Variants in DSCAM observed in about 807,000 individuals in gnomAD.
DSCAM encodes DS cell adhesion molecule.
A neutral mutation model predicts 217.7 loss-of-function variants in DSCAM; 47 were observed. The observed-to-expected ratio is 0.22, with a 90% CI of 0.17 to 0.28. The LOEUF is 0.28. Among genes scored for constraint, DSCAM ranks in the 10% least tolerant of loss-of-function variants. The pLI is 1.00. For synonymous variants in DSCAM, 1,056 were observed against 1,015.3 expected (o/e 1.04, Z -0.76); for missense variants, 2,080 against 2,618.3 (o/e 0.79, Z 4.49).
intron 8 of DSCAM, among the ~76,000 whole-genome samples, chr21:40,320,060 A>G (rs1299406732): frequency 1.3e-5 from 2 of 152,178 alleles, no homozygotes; most frequent in Non-Finnish European, 2.9e-5. Context: ...AGGGGAGGGA[A>G]AGCATCAGGA....
chr21:40,681,418 G>C (rs998989894), intron 3 of DSCAM, among the ~76,000 whole-genome samples: 1 of 152,142 alleles, frequency 6.6e-6, no homozygotes, highest in African/African-American at 2.4e-5. Flanking sequence ...GGACCCACAG[G>C]ACCTGGCACA....
chr21:40,846,671 G>A lies in DSCAM; in HGVS notation c.-10C>T, dbSNP rs779710373. The stretch of plus-strand genomic sequence containing the variant: ...GAGCCAGTATCCACATGCCCCTGCC[G>A]CTCCCCGGCCTCCCGCGAGCGACGC... On this transcript the variant is annotated 5_prime_UTR_variant, in exon 1 of 33. Coordinates refer to ENST00000400454, the MANE Select transcript of DSCAM (RefSeq NM_001389.5). The A allele has an allele frequency of 1.3e-5, 16 of 1,201,182 alleles. No individual in the cohort carries two copies. Among genetic ancestry groups the A allele is most frequent in the Non-Finnish European group, 1.7e-5 (16 of 954,768 alleles). 74.4% of individuals were successfully genotyped at this position (1,201,182 alleles called of 1,614,324 possible). A position where few individuals can be genotyped will look rare whatever the true frequency, so the allele number is the denominator to read the frequency against.
intron 3 of DSCAM, among the ~76,000 whole-genome samples, chr21:40,381,084 A>G (rs2075019469): frequency 1.3e-5 from 2 of 149,902 alleles, no homozygotes; most frequent in South Asian, 2.1e-4. Flanking sequence ...AAAAAAAAAA[A>G]GAAAATAGAA....
intron 5 of DSCAM, among the ~76,000 whole-genome samples, chr21:40,352,703 G>T (rs1174586520): frequency 1.3e-5 from 2 of 152,188 alleles, no homozygotes. Context: ...TGGCAACTAA[G>T]ACCTCCTCTC....
chr21:40,451,576 T>C (rs985123145), intron 3 of DSCAM, among the ~76,000 whole-genome samples: 2 of 152,158 alleles, frequency 1.3e-5, no homozygotes, highest in African/African-American at 4.8e-5. Context: ...TCAGAATAAA[T>C]TCCATTAAAA....
At chr21:40,558,844 A>G (rs1258538837) in intron 3 of DSCAM, among the ~76,000 whole-genome samples, 2 of 152,206 alleles carry the variant, frequency 1.3e-5, no homozygotes, top group Non-Finnish European at 2.9e-5. Context: ...TATTCTTGAC[A>G]GGGCACAGAG....
chr21:40,162,036 C>A (rs1237049685), intron 16 of DSCAM, among the ~76,000 whole-genome samples: 1 of 152,156 alleles, frequency 6.6e-6, no homozygotes, highest in Non-Finnish European at 1.5e-5. Flanking sequence ...TAATTTATAA[C>A]ATGAGTTTGC....
At chr21:40,209,661 T>G (rs1035098205) in intron 11 of DSCAM, among the ~76,000 whole-genome samples, 2 of 152,172 alleles carry the variant, frequency 1.3e-5, no homozygotes, top group African/African-American at 4.8e-5. Context: ...CCTCCTTGGA[T>G]GGATTCCAGG....
chr21:40,725,165 A>G (rs78809560), intron 1 of DSCAM, among the ~76,000 whole-genome samples: 5,480 of 152,204 alleles, frequency 0.036, 131 homozygotes, highest in East Asian at 0.099. Context: ...ACAATGTTAA[A>G]TCCATTGCCA....
intron 3 of DSCAM, among the ~76,000 whole-genome samples, chr21:40,400,628 G>A (rs1459339447): frequency 6.6e-6 from 1 of 152,170 alleles, no homozygotes; most frequent in Non-Finnish European, 1.5e-5. Context: ...TGTTGCTTAG[G>A]CTGGTTTTGA....
intron 3 of DSCAM, among the ~76,000 whole-genome samples, chr21:40,459,430 G>T (rs533593881): frequency 2.6e-5 from 4 of 152,290 alleles, no homozygotes; most frequent in Non-Finnish European, 4.4e-5. Context: ...AAAACTCTTA[G>T]ACATGGTAAA....
chr21:40,702,450 G>T (rs2735322), intron 2 of DSCAM, among the ~76,000 whole-genome samples: 152,312 of 152,316 alleles, frequency 1, 76,154 homozygotes, highest in Non-Finnish European at 1. Flanking sequence ...TCTTTCAGTG[G>T]TTTACTTTAA....
At chr21:40,378,296 G>C (rs549065645) in intron 3 of DSCAM, among the ~76,000 whole-genome samples, 3 of 152,194 alleles carry the variant, frequency 2.0e-5, no homozygotes, top group Admixed American at 6.5e-5. Context: ...CAGGAGATTA[G>C]AACAAAAAAT....
At chr21:40,772,508 T>C (rs1257317168) in intron 1 of DSCAM, among the ~76,000 whole-genome samples, 3 of 152,212 alleles carry the variant, frequency 2.0e-5, no homozygotes, top group Admixed American at 6.5e-5. Context: ...CTCTCAGTTA[T>C]AGGCATGTCA....
chr21:40,033,654 G>T (rs541989467), intron 32 of DSCAM, among the ~76,000 whole-genome samples: 21 of 151,944 alleles, frequency 1.4e-4, no homozygotes, highest in African/African-American at 3.9e-4. Flanking sequence ...CAGGAAGCTC[G>T]AACTGGGTGG....
At chr21:40,426,155 C>A (rs1478785686) in intron 3 of DSCAM, among the ~76,000 whole-genome samples, 1 of 152,204 alleles carries the variant, frequency 6.6e-6, no homozygotes, top group African/African-American at 2.4e-5. Context: ...TCCAGCAAAG[C>A]CAGGCACAAT....
At chr21:40,746,951 C>T (rs1079915) in intron 1 of DSCAM, among the ~76,000 whole-genome samples, 120,507 of 151,864 alleles carry the variant, frequency 0.79, 48,188 homozygotes, top group African/African-American at 0.89. Context: ...TTAAGCAACA[C>T]GCTCCTGAGC....
chr21:40,067,106 C>T (rs2089216952), intron 27 of DSCAM, among the ~76,000 whole-genome samples: 1 of 152,192 alleles, frequency 6.6e-6, no homozygotes, highest in South Asian at 2.1e-4. Context: ...AACATTTACC[C>T]TACCCTACAG....
chr21:40,295,516 G>A lies in DSCAM; in HGVS notation c.2182+539C>T, dbSNP rs192995257. On this transcript the variant is annotated intron_variant, in intron 10 of 32. Coordinates refer to ENST00000400454, the MANE Select transcript of DSCAM (RefSeq NM_001389.5). ...TGCAAGCAGGGAACATGAGACAATC[G>A]CAATAGGACATTGGGCGTGTTTGTT... 1.7e-3 allele frequency among the ~76,000 whole-genome samples: 263 copies of A among 152,222 alleles called. 7 individuals carry two copies. Among genetic ancestry groups the A allele is most frequent in the Non-Finnish European group, 4.7e-4 (32 of 68,032 alleles).
Sources: allele counts gnomAD v4.1 joint callset (sites outside exome capture counted in the v4.1 genomes callset), GRCh38; gene constraint gnomAD v4.1.1; transcripts MANE v1.5; gene names NCBI Gene and HGNC (gene_info 2026-07-23, HGNC 2026-07-21).